TCFL5: variants seen among roughly 807,000 people sequenced by gnomAD.
The protein encoded by TCFL5 is transcription factor like 5.
Under a neutral mutation model 44.3 loss-of-function variants are expected in TCFL5, and 9 were observed. That is an observed-to-expected ratio of 0.20 (90% CI 0.12 to 0.35). The LOEUF (loss-of-function observed/expected upper bound fraction) is 0.35, where lower values mean the gene tolerates loss of function less well. Among genes scored for constraint, TCFL5 ranks in the 10% least tolerant of loss-of-function variants. The probability of loss-of-function intolerance (pLI) is 1.00; values close to 1 mark genes in which losing one functional copy is unlikely to be tolerated. For synonymous variants in TCFL5, 319 were observed against 271.6 expected (o/e 1.17, Z -1.72); for missense variants, 603 against 613.4 (o/e 0.98, Z 0.18).
chr20:62,855,042 T>C (rs113663173), intron 4 of TCFL5, among the ~76,000 whole-genome samples: 11 of 150,370 alleles, frequency 7.3e-5, no homozygotes, highest in African/African-American at 2.8e-4. Flanking sequence ...AGGTACTCAA[T>C]AAATGTCTAT....
At chr20:62,847,010 C>T (rs1012904854) in intron 5 of TCFL5, among the ~76,000 whole-genome samples, 2 of 151,692 alleles carry the variant, frequency 1.3e-5, no homozygotes, top group African/African-American at 4.8e-5. Flanking sequence ...CATGGAGAAA[C>T]CCCATCTCTA....
Position 62,841,875 on chromosome 20 carries a change from T to G in TCFL5, c.*100A>C. On this transcript the variant is annotated 3_prime_UTR_variant, in exon 6 of 6. Transcript: ENST00000335351. ...CCCGTCAGCTTGAGTCACGCCCTTT[T>G]CGAGTCAGACTAGCCGAGCAGAGCT... 6.6e-7 allele frequency: 1 copy of G among 1,514,694 alleles called. No homozygotes were observed. Among genetic ancestry groups the G allele is most frequent in the South Asian group, 1.3e-5 (1 of 77,862 alleles). 93.8% of individuals were successfully genotyped at this position (1,514,694 alleles called of 1,614,324 possible). A position where few individuals can be genotyped will look rare whatever the true frequency, so the allele number is the denominator to read the frequency against.
At chr20:62,856,971 T>C (rs1216154181) in intron 4 of TCFL5, among the ~76,000 whole-genome samples, 2 of 152,176 alleles carry the variant, frequency 1.3e-5, no homozygotes, top group African/African-American at 4.8e-5. Flanking sequence ...AGTGCCTACG[T>C]GACACGCCCC....
At chr20:62,846,616 A>C (rs2063746011) in intron 5 of TCFL5, among the ~76,000 whole-genome samples, 1 of 152,132 alleles carries the variant, frequency 6.6e-6, no homozygotes, top group Admixed American at 6.5e-5. Context: ...AATAACAACA[A>C]GACGGGTGCG....
At chr20:62,860,020 T>C in intron 2 of TCFL5, 105 bp downstream of exon 2, 1 of 1,177,290 alleles carries the variant, frequency 8.5e-7, no homozygotes, top group Non-Finnish European at 1.2e-6. Context: ...AAAAGGTTAT[T>C]AAGCTCACTG....
Position 62,860,251 on chromosome 20 carries a change from T to G in TCFL5, c.705A>C (p.Gln235His). 1 of 1,613,794 alleles carries G rather than the reference T, an allele frequency of 6.2e-7. No individual in the cohort carries two copies. The highest frequency in any genetic ancestry group is 8.5e-7 in the Non-Finnish European group (1 of 1,179,704). Residue 235 changes from glutamine to histidine, a missense_variant, in exon 2 of 6, where the codon CAA becomes CAC. By Grantham distance (24) the Gln-to-His change is conservative (BLOSUM62 0). Transcript: ENST00000335351. ...TTTTCACTAATGCTGTACATTTGTT[T>G]TGTTGCTGAAGAGGAACATTCATTA... ...SELMNVPLQQ[Q>H]NKCTALVKNK...
intron 5 of TCFL5, chr20:62,845,859 T>C: frequency 1.3e-6 from 2 of 1,582,364 alleles, no homozygotes; most frequent in South Asian, 1.1e-5. Flanking sequence ...TCAGTTTGCG[T>C]GTGGAGAAAC....
At chr20:62,851,678 A>G in intron 5 of TCFL5, 1 of 985,432 alleles carries the variant, frequency 1.0e-6, no homozygotes, top group Non-Finnish European at 1.2e-6. Flanking sequence ...GCAACTCGCA[A>G]GATGTAAATG....
chr20:62,860,295 T>C lies in TCFL5; in HGVS notation c.661A>G (p.Ile221Val), dbSNP rs529944077. ...TTCATTAGTTCAGATGGATGTCGAA[T>C]GAGAGTTACCAAACTGCCAAGACAA... The part of the protein sequence containing the change: ...GGALNNLVTL[I>V]RHPSELMNVP... Residue 221 changes from isoleucine (I) to valine (V), a missense_variant, in exon 2 of 6, where the codon ATT becomes GTT. This residue lies in a region of TCFL5 where 540 missense variants were observed against 478.7 expected (regional missense o/e 1.13). Transcript: ENST00000335351. 53 of 1,607,756 alleles carry C rather than the reference T, an allele frequency of 3.3e-5. No homozygotes were observed. In the East Asian group the frequency reaches 1.1e-3, roughly 33 times the overall value.
In TCFL5 at chr20:62,854,144, T is replaced by C. The variant is rs560621054; in HGVS notation, c.1252A>G (p.Ile418Val). 3.7e-6 allele frequency: 6 copies of C among 1,613,808 alleles called. No homozygotes were observed. The South Asian group carries it at 4.4e-5, about 12-fold the overall frequency. ...MERDRRRRIR[I>V]CCDELNLLVP... ...AAGAGATTCAACTCATCACAGCAAATGCGGATTCTGCGCCTATAGTCAAAA... is the reference window on the plus strand; with the variant it reads ...AAGAGATTCAACTCATCACAGCAAACGCGGATTCTGCGCCTATAGTCAAAA... The change falls in exon 5 of 6, where the codon ATT (isoleucine) becomes GTT (valine). Residue 418 changes from isoleucine (I) to valine (V), a missense_variant. By Grantham distance (29) the Ile-to-Val change is conservative (BLOSUM62 3). Coordinates refer to ENST00000335351, the MANE Select transcript of TCFL5 (RefSeq NM_006602.4).
At chr20:62,860,409 C>T (rs2063976445) in intron 1 of TCFL5, 101 bp from the exon 2 acceptor site, 1 of 1,012,170 alleles carries the variant, frequency 9.9e-7, no homozygotes, top group Non-Finnish European at 1.5e-6. Context: ...CAGACAGCAA[C>T]CCAACTCTCA....
At chr20:62,853,971 G>A (rs547613701) in intron 5 of TCFL5, 45 bp downstream of exon 5, 1 of 1,602,106 alleles carries the variant, frequency 6.2e-7, no homozygotes. Context: ...ACATTGTTAA[G>A]TAAAATTTGT....
chr20:62,844,979 T>C (rs1357743526), intron 5 of TCFL5: 1 of 985,276 alleles, frequency 1.0e-6, no homozygotes, highest in Non-Finnish European at 1.2e-6. Context: ...CTGCCATGGA[T>C]TTAACTTCTG....
rs1052556256 is a variant in TCFL5 at position 62,842,460 on chromosome 20, G to A, written c.1381-363C>T. Among the ~76,000 whole-genome samples, 1 of 152,154 alleles carries A rather than the reference G, an allele frequency of 6.6e-6. No homozygotes were observed. The highest frequency in any genetic ancestry group is 1.5e-5 in the Non-Finnish European group (1 of 68,024). ...CCCAGCGTGTGAGAGAAGGTAGAGT[G>A]TATATATTAAAACGTTTCAGGCCGG... On this transcript the variant is annotated intron_variant, in intron 5 of 5. Transcript: ENST00000335351. This position sits in a 1 kb window ranked among gnomAD's most constrained non-coding sequence, Gnocchi z 4.3.
chr20:62,857,023 C>T (rs1201299100), intron 4 of TCFL5, among the ~76,000 whole-genome samples: 1 of 152,222 alleles, frequency 6.6e-6, no homozygotes, highest in African/African-American at 2.4e-5. Context: ...ACCTCACCCA[C>T]GTTTTCAGAC....
rs1159984503 is a variant in TCFL5, at chr20:62,857,633, C to T, written c.1000G>A (p.Ala334Thr). ...EQVWIKVGEA[A>T]LCKQALKRNR... ...CTCTTCAGTGCTTGTTTGCATAGCGCTGCTTCTTTGCGAAAGAAGAAAAAA... is the reference window on the plus strand; with the variant it reads ...CTCTTCAGTGCTTGTTTGCATAGCGTTGCTTCTTTGCGAAAGAAGAAAAAA... The change falls in exon 4 of 6, where the codon GCG (alanine) becomes ACG (threonine). Residue 334 changes from alanine (A) to threonine (T), a missense_variant. By Grantham distance (58) the Ala-to-Thr change is moderately conservative. Around this residue, in one of 4 missense-constraint regions of TCFL5, gnomAD observed 540 missense variants for 478.7 expected, o/e 1.13. Transcript: ENST00000335351. 2 of 1,608,722 alleles carry T rather than the reference C, an allele frequency of 1.2e-6. No homozygotes were observed. Among genetic ancestry groups the T allele is most frequent in the African/African-American group, 2.7e-5 (2 of 74,676 alleles).
intron 5 of TCFL5, chr20:62,845,916 A>T (rs1473179484): frequency 6.6e-7 from 1 of 1,513,088 alleles, no homozygotes; most frequent in Non-Finnish European, 8.9e-7. Context: ...ATGCTAAGGA[A>T]GCCTTCAGGA....
At chr20:62,846,766 G>GAA (rs11448528) in intron 5 of TCFL5, among the ~76,000 whole-genome samples, 2,015 of 129,040 alleles carry the variant, frequency 0.016, 24 homozygotes, top group African/African-American at 0.028. Context: ...CCCTCGCTGG[G>GAA]AAAAAAAAAA....
chr20:62,855,140 A>G (rs923673548), intron 4 of TCFL5, among the ~76,000 whole-genome samples: 1 of 152,232 alleles, frequency 6.6e-6, no homozygotes, highest in Non-Finnish European at 1.5e-5. Context: ...AAAGTATCAT[A>G]AAAAGATATT....
Sources: gnomAD v4.1 joint callset for allele counts (sites outside exome capture counted in the v4.1 genomes callset) on GRCh38, gnomAD v4.1.1 for gene constraint, gnomAD v4.1.1 regional missense constraint, Gnocchi (gnomAD v3.1) non-coding constraint, MANE v1.5 for transcripts, NCBI Gene and HGNC (gene_info 2026-07-23, HGNC 2026-07-21) for gene names.